Variants in TRAPPC9 observed in about 807,000 individuals in gnomAD.
The protein encoded by TRAPPC9 is IKK2 binding protein.
In TRAPPC9, 83 loss-of-function variants were observed where a neutral mutation model predicts 124.0. That is an observed-to-expected ratio of 0.67 (90% CI 0.56 to 0.80). The LOEUF is 0.80. Ranked by LOEUF, TRAPPC9 falls within the 30% of genes least tolerant of loss-of-function variation. TRAPPC9 has a pLI of 0.00. For synonymous variants in TRAPPC9, 638 were observed against 617.5 expected (o/e 1.03, Z -0.49); for missense variants, 1,302 against 1,508.3 (o/e 0.86, Z 2.27).
intron 9 of TRAPPC9, among the ~76,000 whole-genome samples, chr8:140,339,898 A>C (rs1213270430): frequency 2.6e-5 from 4 of 152,108 alleles, no homozygotes; most frequent in Non-Finnish European, 1.5e-5. Context: ...GCTAGAGTGC[A>C]GTGGTGCAAT....
intron 9 of TRAPPC9, among the ~76,000 whole-genome samples, chr8:140,320,148 T>C (rs2066554927): frequency 6.6e-6 from 1 of 152,220 alleles, no homozygotes; most frequent in Non-Finnish European, 1.5e-5. Context: ...TCGATTCTGG[T>C]ACTTTCACTT....
rs1827030770 is a variant in TRAPPC9 at position 139,845,672 on chromosome 8, GTGCCCC to G, written c.3055+40201_3055+40206del. 5.9e-5 allele frequency among the ~76,000 whole-genome samples: 9 copies of G among 152,356 alleles called. No individual in the cohort carries two copies. The South Asian group carries it at 1.9e-3, about 32-fold the overall frequency. On this transcript the variant is annotated intron_variant, in intron 21 of 22. Transcript: ENST00000438773. Reference sequence around the variant, plus strand: ...GGAGCAGCTGTCCTGACTCCAGGCTGTGCCCCAGGGCAACGGCAGAGGTACAGTGCA... The same window carrying G: ...GGAGCAGCTGTCCTGACTCCAGGCTGAGGGCAACGGCAGAGGTACAGTGCA...
chr8:139,970,683 T>C (rs1200745801), intron 19 of TRAPPC9, among the ~76,000 whole-genome samples: 2 of 152,184 alleles, frequency 1.3e-5, no homozygotes, highest in African/African-American at 2.4e-5. Flanking sequence ...TACCTCCTCA[T>C]GGGACCCAGC....
chr8:139,807,486 C>A (rs1824147605), intron 21 of TRAPPC9, among the ~76,000 whole-genome samples: 1 of 152,166 alleles, frequency 6.6e-6, no homozygotes, highest in Non-Finnish European at 1.5e-5. Context: ...GAGGACCCTA[C>A]ACGGGGCGCT....
intron 17 of TRAPPC9, among the ~76,000 whole-genome samples, chr8:140,083,734 T>G (rs1411694619): frequency 6.6e-6 from 1 of 152,116 alleles, no homozygotes; most frequent in Non-Finnish European, 1.5e-5. Context: ...TGGCGTGATC[T>G]CAGCACACTG....
chr8:139,775,705 GAC>G (rs1247993961), intron 21 of TRAPPC9, among the ~76,000 whole-genome samples: 1 of 152,176 alleles, frequency 6.6e-6, no homozygotes, highest in Non-Finnish European at 1.5e-5. Context: ...GGGCCACCCC[GAC>G]ATCCCCCTAG....
chr8:139,879,908 C>CA (rs1391707168), intron 21 of TRAPPC9, among the ~76,000 whole-genome samples: 1 of 152,192 alleles, frequency 6.6e-6, no homozygotes, highest in Non-Finnish European at 1.5e-5. Context: ...GGGCACTCGG[C>CA]CAACTTGGCA....
At chr8:140,426,766 A>T in intron 4 of TRAPPC9, 125 bp from the exon 5 acceptor site, 3 of 917,172 alleles carry the variant, frequency 3.3e-6, no homozygotes, top group Non-Finnish European at 5.2e-6. Context: ...CTGATCAGAA[A>T]AGCAATTCTG....
chr8:140,208,045 G>C, intron 17 of TRAPPC9, among the ~76,000 whole-genome samples: 1 of 151,988 alleles, frequency 6.6e-6, no homozygotes, highest in African/African-American at 2.4e-5. Context: ...AACTACTTGG[G>C]AGGCGGAGGC....
chr8:139,969,036 C>T (rs1835894156), intron 19 of TRAPPC9, among the ~76,000 whole-genome samples: 4 of 152,196 alleles, frequency 2.6e-5, no homozygotes. Context: ...TGTGTGTGTG[C>T]AAGATGTGTG....
intron 20 of TRAPPC9, among the ~76,000 whole-genome samples, chr8:139,892,295 T>C (rs970959939): frequency 6.6e-6 from 1 of 152,074 alleles, no homozygotes; most frequent in African/African-American, 2.4e-5. Flanking sequence ...AGGCCCCTCC[T>C]AGGAGAAGGT....
At chr8:140,164,235 T>C (rs1235601208) in intron 17 of TRAPPC9, among the ~76,000 whole-genome samples, 2 of 152,236 alleles carry the variant, frequency 1.3e-5, no homozygotes, top group African/African-American at 4.8e-5. Flanking sequence ...GGACTGCATC[T>C]GCTGCTCACT....
At chr8:140,322,484 C>T (rs1016465681) in intron 9 of TRAPPC9, among the ~76,000 whole-genome samples, 4 of 152,084 alleles carry the variant, frequency 2.6e-5, no homozygotes, top group Non-Finnish European at 1.5e-5. Context: ...GTTAAAAATG[C>T]ATATTATAAT....
At chr8:140,278,022 G>A (rs534682615) in intron 14 of TRAPPC9, among the ~76,000 whole-genome samples, 3 of 152,260 alleles carry the variant, frequency 2.0e-5, no homozygotes, top group African/African-American at 7.2e-5. Flanking sequence ...TGTGTCCCCC[G>A]AGCACTCTGT....
intron 17 of TRAPPC9, among the ~76,000 whole-genome samples, chr8:140,219,651 G>C (rs1390588783): frequency 6.6e-6 from 1 of 152,094 alleles, no homozygotes; most frequent in South Asian, 2.1e-4. Flanking sequence ...CCACCTCCTC[G>C]TGTGGCTTCC....
intron 17 of TRAPPC9, among the ~76,000 whole-genome samples, chr8:140,085,460 C>T (rs1844126548): frequency 6.6e-6 from 1 of 152,054 alleles, no homozygotes; most frequent in Non-Finnish European, 1.5e-5. Context: ...CCTTTCTTTT[C>T]CATGCAGAAG....
At chr8:140,049,206 G>A (rs1019422749) in intron 17 of TRAPPC9, among the ~76,000 whole-genome samples, 1 of 152,166 alleles carries the variant, frequency 6.6e-6, no homozygotes, top group Non-Finnish European at 1.5e-5. Flanking sequence ...ACCTACTGAG[G>A]GCAGGGCCAG....
At position 140,430,163 on chromosome 8, in the gene TRAPPC9, T is replaced by A. The variant is rs945424811; in HGVS notation, c.860-3522A>T. 8.7e-5 allele frequency among the ~76,000 whole-genome samples: 13 copies of A among 149,508 alleles called. No individual in the cohort carries two copies. The South Asian group carries it at 2.1e-3, about 24-fold the overall frequency. ...CTCCATCCCAAAAAAAAAAAAAAAA[T>A]GTTATCTGTTACAGTGATTTTACAA... On this transcript the variant is annotated intron_variant, in intron 4 of 22. Coordinates refer to ENST00000438773, the MANE Select transcript of TRAPPC9 (RefSeq NM_001160372.4).
At chr8:140,284,370 G>A (rs539493241) in intron 13 of TRAPPC9, among the ~76,000 whole-genome samples, 15 of 152,192 alleles carry the variant, frequency 9.9e-5, no homozygotes, top group South Asian at 2.1e-4. Flanking sequence ...TCTCTAAAAC[G>A]AGAATGTTAA....
Sources: allele counts gnomAD v4.1 joint callset (sites outside exome capture counted in the v4.1 genomes callset), GRCh38; gene constraint gnomAD v4.1.1; transcripts MANE v1.5; gene names NCBI Gene and HGNC (gene_info 2026-07-23, HGNC 2026-07-21).